NELL1: variants seen among roughly 807,000 people sequenced by gnomAD.
NELL1 encodes neural EGFL like 1.
In NELL1, 76 loss-of-function variants were observed where a neutral mutation model predicts 107.4. That is an observed-to-expected ratio of 0.71 (90% CI 0.59 to 0.86). The LOEUF (loss-of-function observed/expected upper bound fraction) is 0.86. Among genes scored for constraint, NELL1 ranks in the 40% least tolerant of loss-of-function variants. NELL1 has a pLI of 0.00. For missense variants in NELL1, 1,024 were observed against 1,005.5 expected, an observed-to-expected ratio of 1.02 and a Z score of -0.25; for synonymous variants, 353 against 341.2, an observed-to-expected ratio of 1.03 and a Z score of -0.38.
chr11:21,069,864 C>T (rs1853968465), intron 12 of NELL1, among the ~76,000 whole-genome samples: 1 of 152,094 alleles, frequency 6.6e-6, no homozygotes, highest in African/African-American at 2.4e-5. Context: ...TTTGGGAAAG[C>T]CATGTAACCT....
intron 15 of NELL1, among the ~76,000 whole-genome samples, chr11:21,451,345 G>C (rs1208728587): frequency 6.6e-6 from 1 of 152,124 alleles, no homozygotes; most frequent in East Asian, 1.9e-4. Context: ...CTGATGTGTT[G>C]TTTGCAGATT....
intron 12 of NELL1, among the ~76,000 whole-genome samples, chr11:20,990,468 T>G (rs2134257063): frequency 6.6e-6 from 1 of 152,350 alleles, no homozygotes; most frequent in South Asian, 2.1e-4. Context: ...GACATGCCAG[T>G]ACCAAGAGAT....
At chr11:21,134,709 G>A (rs1169312266) in intron 13 of NELL1, among the ~76,000 whole-genome samples, 1 of 152,064 alleles carries the variant, frequency 6.6e-6, no homozygotes, top group East Asian at 1.9e-4. Flanking sequence ...AAGCCTTTTG[G>A]CACAGTTTTA....
At chr11:20,741,820 C>T (rs1047968022) in intron 2 of NELL1, among the ~76,000 whole-genome samples, 3 of 152,146 alleles carry the variant, frequency 2.0e-5, no homozygotes, top group Non-Finnish European at 4.4e-5. Flanking sequence ...CTGATGAATA[C>T]GTAATTCTGT....
intron 12 of NELL1, among the ~76,000 whole-genome samples, chr11:21,022,797 A>C (rs1852731140): frequency 6.6e-6 from 1 of 152,154 alleles, no homozygotes; most frequent in Non-Finnish European, 1.5e-5. Flanking sequence ...ATAAGGGTTA[A>C]ATTAGATTAT....
chr11:21,178,216 T>C (rs1020899988), intron 13 of NELL1, among the ~76,000 whole-genome samples: 21 of 151,784 alleles, frequency 1.4e-4, no homozygotes, highest in African/African-American at 4.9e-4. Context: ...ATTTCTTTGC[T>C]TTTTCCACAA....
intron 14 of NELL1, among the ~76,000 whole-genome samples, chr11:21,327,615 C>T (rs1165821865): frequency 1.3e-5 from 2 of 152,052 alleles, no homozygotes; most frequent in East Asian, 3.9e-4. Flanking sequence ...GGAAAGATAC[C>T]CAAAAATGTG....
chr11:21,146,644 G>A (rs1275083281), intron 13 of NELL1, among the ~76,000 whole-genome samples: 3 of 152,210 alleles, frequency 2.0e-5, no homozygotes, highest in Non-Finnish European at 4.4e-5. Flanking sequence ...GTATAGCTAT[G>A]AGAGTGAGGT....
At chr11:20,808,888 A>G (rs1857441215) in intron 3 of NELL1, among the ~76,000 whole-genome samples, 1 of 152,218 alleles carries the variant, frequency 6.6e-6, no homozygotes, top group African/African-American at 2.4e-5. Flanking sequence ...TGGGGTCAGC[A>G]ATTCAAGACT....
intron 2 of NELL1, among the ~76,000 whole-genome samples, chr11:20,730,566 T>C (rs1269976494): frequency 2.6e-5 from 4 of 152,172 alleles, no homozygotes; most frequent in Admixed American, 1.3e-4. Flanking sequence ...TTGGCTCATC[T>C]TGCTATGGTG....
In NELL1 at chr11:21,253,763, A is replaced by G. The variant is rs181043191; in HGVS notation, c.1549+24309A>G. The stretch of plus-strand genomic sequence containing the variant: ...TCAGCCAAGGATATATTAGATGTCT[A>G]AAGGCAGGGATGTGACGGTTAAAAC... On this transcript the variant is annotated intron_variant, in intron 14 of 19. Transcript: ENST00000357134. Among the ~76,000 whole-genome samples, 826 of 152,238 alleles carry G rather than the reference A, an allele frequency of 5.4e-3. 26 individuals are homozygous for G. Among genetic ancestry groups the G allele is most frequent in the Non-Finnish European group, 7.9e-4 (54 of 68,012 alleles).
chr11:20,965,488 T>G (rs972617692), intron 12 of NELL1, among the ~76,000 whole-genome samples: 2 of 152,174 alleles, frequency 1.3e-5, no homozygotes, highest in African/African-American at 4.8e-5. Flanking sequence ...TACATTTAGA[T>G]GGAAGGACTA....
rs528235766 is a variant in NELL1 at position 20,680,249 on chromosome 11, C to T, written c.184+2189C>T. On this transcript the variant is annotated intron_variant, in intron 2 of 19. Transcript: ENST00000357134. Reference sequence around the variant, plus strand: ...TTAGCACCTGGACATTTTTGGGGAGCCATTATTTTGTTTGCCACAAAGTCT... The same window carrying T: ...TTAGCACCTGGACATTTTTGGGGAGTCATTATTTTGTTTGCCACAAAGTCT... 7.2e-5 allele frequency among the ~76,000 whole-genome samples: 11 copies of T among 152,122 alleles called. No individual in the cohort carries two copies. The East Asian group carries it at 1.5e-3, about 21-fold the overall frequency.
At chr11:20,802,998 A>G (rs912468353) in intron 3 of NELL1, among the ~76,000 whole-genome samples, 2 of 152,210 alleles carry the variant, frequency 1.3e-5, no homozygotes, top group African/African-American at 2.4e-5. Flanking sequence ...TTTTGCAACA[A>G]TGTTCATCAG....
intron 12 of NELL1, among the ~76,000 whole-genome samples, chr11:21,046,864 T>C (rs998180202): frequency 1.3e-5 from 2 of 151,372 alleles, no homozygotes; most frequent in African/African-American, 4.8e-5. Context: ...TGTACCACCA[T>C]GCCTGGCTAA....
At chr11:21,317,652 T>G (rs1321050973) in intron 14 of NELL1, among the ~76,000 whole-genome samples, 1 of 151,944 alleles carries the variant, frequency 6.6e-6, no homozygotes, top group East Asian at 2.0e-4. Flanking sequence ...AAGTGAGTGG[T>G]ATAGGAAAGA....
chr11:20,800,094 T>C (rs1038511623), intron 3 of NELL1, among the ~76,000 whole-genome samples: 60 of 152,350 alleles, frequency 3.9e-4, no homozygotes, highest in African/African-American at 1.3e-3. Context: ...AGATTTTCTT[T>C]ATCCAATCCA....
At chr11:21,414,821 A>G (rs145688123) in intron 15 of NELL1, among the ~76,000 whole-genome samples, 202 of 152,164 alleles carry the variant, frequency 1.3e-3, no homozygotes, top group Non-Finnish European at 2.4e-3. Context: ...AATAGTTTCA[A>G]CCTGTTTCAA....
rs76245660 is a variant in NELL1 at position 20,854,128 on chromosome 11, C to T, written c.506+6375C>T. Among the ~76,000 whole-genome samples the T allele has an allele frequency of 1.8e-3, 273 of 152,216 alleles. 2 individuals carry two copies. Among genetic ancestry groups the T allele is most frequent in the African/African-American group, 6.3e-3 (261 of 41,540 alleles). On this transcript the variant is annotated intron_variant, in intron 4 of 19. Coordinates refer to ENST00000357134, the MANE Select transcript of NELL1 (RefSeq NM_006157.5). Reference sequence around the variant, plus strand: ...CTCTAATTTTCTGGATGTCCTAAAGCCCACATGGATGAGCAAAATATGTAC... The same window carrying T: ...CTCTAATTTTCTGGATGTCCTAAAGTCCACATGGATGAGCAAAATATGTAC...
Sources: gnomAD v4.1 joint callset for allele counts (sites outside exome capture counted in the v4.1 genomes callset) on GRCh38, gnomAD v4.1.1 for gene constraint, MANE v1.5 for transcripts, NCBI Gene and HGNC (gene_info 2026-07-23, HGNC 2026-07-21) for gene names.